The following SIN3A variants were observed in gnomAD, a reference collection of about 807,000 sequenced individuals.
SIN3A encodes paired amphipathic helix protein Sin3a.
In SIN3A, 14 loss-of-function variants were observed where a neutral mutation model predicts 146.1. That is an observed-to-expected ratio of 0.10 (90% CI 0.06 to 0.15). SIN3A has a LOEUF of 0.15. Ranked by LOEUF, SIN3A falls within the 10% of genes least tolerant of loss-of-function variation. The probability of loss-of-function intolerance (pLI) is 1.00; values close to 1 mark genes in which losing one functional copy is unlikely to be tolerated. For missense variants in SIN3A, 1,028 were observed against 1,576.0 expected (o/e 0.65, Z 5.89); for synonymous variants, 572 against 572.0 (o/e 1.00, Z 0.00).
chr15:75,389,630 C>A, intron 16 of SIN3A, 22 bp downstream of exon 16: 1 of 1,613,214 alleles, frequency 6.2e-7, no homozygotes, highest in South Asian at 1.1e-5. Flanking sequence ...CTTACTCACC[C>A]TAGCCTCCTC....
chr15:75,419,622 G>A (rs1041376419), intron 3 of SIN3A: 5 of 151,118 alleles, frequency 3.3e-5, no homozygotes, highest in Non-Finnish European at 5.9e-5. Flanking sequence ...GAGTTTGAGA[G>A]CAGCCTGGCT....
Position 75,372,193 on chromosome 15 carries a change from C to CT in SIN3A, c.3607dup (p.Ser1203LysfsTer14). ...CTGGAATCTCTGATGTAGACGCTTG[C>CT]TTACACGCTCATGGGACTGCAAAAC... On this transcript the variant is annotated frameshift_variant, in exon 21 of 21. Transcript: ENST00000394947. LOFTEE classifies it high-confidence loss of function. The CT allele has an allele frequency of 6.2e-7, 1 of 1,604,622 alleles. No individual in the cohort carries two copies. Among genetic ancestry groups the CT allele is most frequent in the Non-Finnish European group, 8.5e-7 (1 of 1,173,536 alleles).
chr15:75,449,746 G>C (rs2074369282), intron 1 of SIN3A, among the ~76,000 whole-genome samples: 1 of 152,214 alleles, frequency 6.6e-6, no homozygotes, highest in Non-Finnish European at 1.5e-5. Flanking sequence ...TTCACCTATA[G>C]TTACCTAAAT....
chr15:75,439,344 C>CTT (rs919936063), intron 1 of SIN3A, among the ~76,000 whole-genome samples: 5 of 144,410 alleles, frequency 3.5e-5, no homozygotes, highest in Admixed American at 7.0e-5. Context: ...TGTCACATAT[C>CTT]TTTTTTTTTT....
intron 16 of SIN3A, among the ~76,000 whole-genome samples, chr15:75,386,783 G>A (rs1333460984): frequency 6.6e-6 from 1 of 152,174 alleles, no homozygotes; most frequent in African/African-American, 2.4e-5. Flanking sequence ...GTTGCCTATT[G>A]TATTCTTAAT....
chr15:75,414,838 A>G (rs1396023582), intron 3 of SIN3A, among the ~76,000 whole-genome samples: 2 of 152,344 alleles, frequency 1.3e-5, no homozygotes, highest in East Asian at 3.9e-4. Context: ...ACTATAAGCT[A>G]GCAAAAGTGA....
chr15:75,451,686 C>CT lies in SIN3A; in HGVS notation c.-298dup, dbSNP rs1284356269. The stretch of plus-strand genomic sequence containing the variant: ...CGCCTCTACCGCCGCGGCCGCTTCT[C>CT]TGTTACCCGGGAAATCCCGCCCACT... On this transcript the variant is annotated 5_prime_UTR_variant, in exon 1 of 21. Coordinates refer to ENST00000394947, the MANE Select transcript of SIN3A (RefSeq NM_001145358.2). 4 of 152,310 alleles carry CT rather than the reference C, an allele frequency of 2.6e-5. No individual in the cohort carries two copies. The highest frequency in any genetic ancestry group is 9.7e-5 in the African/African-American group (4 of 41,354). The allele number at this position is 152,310 out of a possible 1,614,324, so 9.4% of individuals were successfully genotyped here. A position where few individuals can be genotyped will look rare whatever the true frequency, so the allele number is the denominator to read the frequency against.
chr15:75,396,865 G>T (rs2141440455), intron 12 of SIN3A, among the ~76,000 whole-genome samples: 1 of 152,306 alleles, frequency 6.6e-6, no homozygotes, highest in Admixed American at 6.5e-5. Context: ...AACAGGAGAT[G>T]ACTTTACTGA....
chr15:75,413,538 C>T (rs1322537572), intron 4 of SIN3A, among the ~76,000 whole-genome samples: 2 of 146,826 alleles, frequency 1.4e-5, no homozygotes, highest in African/African-American at 5.1e-5. Flanking sequence ...AGATACTTGG[C>T]CACAATTTGT....
Position 75,392,499 on chromosome 15 carries a change from T to C in SIN3A, c.2594A>G (p.Lys865Arg), listed in dbSNP as rs373141073. The change falls in exon 15 of 21, where the codon AAG (lysine) becomes AGG (arginine). Residue 865 changes from lysine (K) to arginine (R), a missense_variant. By Grantham distance (26) the Lys-to-Arg change is conservative. Coordinates refer to ENST00000394947, the MANE Select transcript of SIN3A (RefSeq NM_001145358.2). The stretch of plus-strand genomic sequence containing the variant: ...AGCTGCTGTGTTACTAAACAGTAAC[T>C]TGGACTTAGGGGGACTGCCCCCAAC... ...NGVGGSPPKS[K>R]LLFSNTAAQK... The C allele has an allele frequency of 1.6e-5, 26 of 1,614,106 alleles. No individual in the cohort carries two copies. The highest frequency in any genetic ancestry group is 2.0e-5 in the Non-Finnish European group (24 of 1,180,054).
Position 75,380,619 on chromosome 15 carries a change from G to T in SIN3A, c.3383+10C>A, listed in dbSNP as rs773731228. 8 of 1,595,946 alleles carry T rather than the reference G, an allele frequency of 5.0e-6. No homozygotes were observed. The highest frequency in any genetic ancestry group is 6.9e-6 in the Non-Finnish European group (8 of 1,163,614). On this transcript the variant is annotated intron_variant, in intron 19 of 20. Transcript: ENST00000394947. ...GTATGGACTGCTGACAGATGACATGGCTCACTCACCTGGGGAGAAATACTG... is the reference window on the plus strand; with the variant it reads ...GTATGGACTGCTGACAGATGACATGTCTCACTCACCTGGGGAGAAATACTG...
intron 16 of SIN3A, among the ~76,000 whole-genome samples, chr15:75,384,644 T>C (rs2073046263): frequency 6.6e-6 from 1 of 152,152 alleles, no homozygotes; most frequent in East Asian, 1.9e-4. Context: ...TTTTCAACCA[T>C]ATCAGTGGTC....
In SIN3A at chr15:75,375,670, G is replaced by A. The variant is rs1287059901; in HGVS notation, c.3586C>T (p.His1196Tyr). 3.7e-6 allele frequency: 6 copies of A among 1,613,804 alleles called. No homozygotes were observed. Among genetic ancestry groups the A allele is most frequent in the Non-Finnish European group, 5.1e-6 (6 of 1,179,698 alleles). Residue 1196 changes from histidine (H) to tyrosine (Y), a missense_variant, in exon 20 of 21, where the codon CAT (histidine) becomes TAT (tyrosine). Physicochemically the swap from His to Tyr is moderately conservative, Grantham distance 83 (BLOSUM62 2). Around this residue, in one of 9 missense-constraint regions of SIN3A, gnomAD observed 488 missense variants for 690.2 expected, o/e 0.71. Transcript: ENST00000394947. The stretch of plus-strand genomic sequence containing the variant: ...TTTCAGTTACTGGTTCTCACCTGAT[G>A]AGCCCGGAGCAGGGCGGTCCTCCGA... ...MYRRTALLRA[H>Y]QSHERVSKRL...
At chr15:75,408,297 A>G (rs1045598903) in intron 8 of SIN3A, among the ~76,000 whole-genome samples, 3 of 152,268 alleles carry the variant, frequency 2.0e-5, no homozygotes, top group African/African-American at 7.2e-5. Flanking sequence ...AAGAAATAGA[A>G]ACCATTATTA....
upstream of SIN3A, among the ~76,000 whole-genome samples, chr15:75,454,378 G>A (rs962202675): frequency 1.3e-5 from 2 of 152,032 alleles, no homozygotes; most frequent in African/African-American, 2.4e-5. Flanking sequence ...GGTTGCACAA[G>A]CCGCCGGCGG....
At chr15:75,433,949 C>T (rs961777111) in intron 1 of SIN3A, among the ~76,000 whole-genome samples, 2 of 152,176 alleles carry the variant, frequency 1.3e-5, no homozygotes, top group African/African-American at 4.8e-5. Flanking sequence ...ACCTTATAAG[C>T]AAGGTGTTCT....
chr15:75,393,357 G>A (rs992616271), intron 14 of SIN3A, among the ~76,000 whole-genome samples: 1 of 152,172 alleles, frequency 6.6e-6, no homozygotes, highest in African/African-American at 2.4e-5. Context: ...CTTACAGGGA[G>A]AGTAGGACAG....
intron 9 of SIN3A, among the ~76,000 whole-genome samples, chr15:75,406,747 C>T (rs2073524550): frequency 6.6e-6 from 1 of 152,190 alleles, no homozygotes; most frequent in Non-Finnish European, 1.5e-5. Flanking sequence ...ACTGGTACTG[C>T]CTGCCACACA....
At chr15:75,403,643 C>T (rs1307683864) in intron 9 of SIN3A, among the ~76,000 whole-genome samples, 2 of 151,396 alleles carry the variant, frequency 1.3e-5, no homozygotes, top group African/African-American at 2.4e-5. Context: ...CGGGTTCAAG[C>T]GATTCTCCTG....
Sources: allele counts gnomAD v4.1 joint callset (sites outside exome capture counted in the v4.1 genomes callset), GRCh38; gene constraint gnomAD v4.1.1; regional missense constraint gnomAD v4.1.1; transcripts MANE v1.5; gene names NCBI Gene and HGNC (gene_info 2026-07-23, HGNC 2026-07-21).